Variants in MYRFL observed in about 807,000 individuals in gnomAD.
MYRFL encodes myelin regulatory factor-like protein.
Under a neutral mutation model 109.4 loss-of-function variants are expected in MYRFL, and 88 were observed. The ratio of observed to expected loss-of-function variants is 0.80; its 90% CI spans 0.68 to 0.96. MYRFL has a LOEUF of 0.96. MYRFL is among the 40% of genes least tolerant of loss of function. The pLI is 0.00. For missense variants in MYRFL, 957 were observed against 954.9 expected, an observed-to-expected ratio of 1.00 and a Z score of -0.03; for synonymous variants, 324 against 320.9, an observed-to-expected ratio of 1.01 and a Z score of -0.10.
At chr12:69,945,695 A>C (rs2120524808) in intron 19 of MYRFL, among the ~76,000 whole-genome samples, 1 of 152,262 alleles carries the variant, frequency 6.6e-6, no homozygotes, top group East Asian at 1.9e-4. Flanking sequence ...TTTCATGTTA[A>C]AAAAATTATA....
intron 9 of MYRFL, among the ~76,000 whole-genome samples, chr12:69,896,393 G>A (rs1326415378): frequency 6.6e-6 from 1 of 152,206 alleles, no homozygotes; most frequent in Non-Finnish European, 1.5e-5. Flanking sequence ...TTCTCTAAGA[G>A]AATAGGAATG....
At chr12:69,901,419 G>A (rs1954176677) in intron 10 of MYRFL, among the ~76,000 whole-genome samples, 1 of 152,196 alleles carries the variant, frequency 6.6e-6, no homozygotes, top group African/African-American at 2.4e-5. Flanking sequence ...TTAGAATGTT[G>A]TGAATCTGTG....
chr12:69,952,615 C>T (rs1476042730), intron 20 of MYRFL, among the ~76,000 whole-genome samples, 184 bp from the exon 21 acceptor site: 2 of 152,056 alleles, frequency 1.3e-5, no homozygotes, highest in African/African-American at 2.4e-5. Context: ...GGTACTATAA[C>T]CCCCCAAAAA....
chr12:69,927,225 G>A (rs543793459), intron 14 of MYRFL, among the ~76,000 whole-genome samples: 5 of 152,076 alleles, frequency 3.3e-5, no homozygotes, highest in African/African-American at 7.2e-5. Context: ...GATTATAGGC[G>A]TGAGCCACCA....
At chr12:69,845,654 C>G (rs560573641) in intron 1 of MYRFL, among the ~76,000 whole-genome samples, 12 of 152,158 alleles carry the variant, frequency 7.9e-5, no homozygotes, top group African/African-American at 2.6e-4. Context: ...GGATAGAAAG[C>G]AGAACTATTA....
intron 19 of MYRFL, among the ~76,000 whole-genome samples, chr12:69,945,986 C>CAAAAAAAAAAAAAAAAA (rs56988555): frequency 7.1e-5 from 3 of 42,340 alleles, no homozygotes; most frequent in Non-Finnish European, 1.2e-4. Flanking sequence ...GACTCCGTCT[C>CAAAAAAAAAAAAAAAAA]AAAAAAAAAA....
At chr12:69,849,888 A>G (rs1459706912) in intron 1 of MYRFL, among the ~76,000 whole-genome samples, 1 of 152,220 alleles carries the variant, frequency 6.6e-6, no homozygotes, top group East Asian at 1.9e-4. Context: ...TCATCTCTCC[A>G]TGAATATCTA....
At chr12:69,877,683 T>A (rs1885772664) in intron 2 of MYRFL, among the ~76,000 whole-genome samples, 1 of 152,184 alleles carries the variant, frequency 6.6e-6, no homozygotes, top group Non-Finnish European at 1.5e-5. Context: ...CCCTTATTAA[T>A]AGGAAGTGAA....
intron 1 of MYRFL, among the ~76,000 whole-genome samples, chr12:69,828,597 CAT>C (rs1882432076): frequency 6.6e-6 from 1 of 152,100 alleles, no homozygotes; most frequent in South Asian, 2.1e-4. Flanking sequence ...AACTTGAAAA[CAT>C]TGTCAATTTC....
At chr12:69,830,699 A>C (rs1392221255) in intron 1 of MYRFL, among the ~76,000 whole-genome samples, 1 of 152,132 alleles carries the variant, frequency 6.6e-6, no homozygotes, top group Non-Finnish European at 1.5e-5. Context: ...TCTAAGAAAT[A>C]CCTTTCTTCT....
intron 9 of MYRFL, among the ~76,000 whole-genome samples, chr12:69,896,374 A>G (rs1250287928): frequency 6.6e-6 from 1 of 152,230 alleles, no homozygotes; most frequent in Admixed American, 6.5e-5. Flanking sequence ...ATGCAGAGGG[A>G]AACTCTTGTT....
intron 5 of MYRFL, 74 bp from the exon 6 acceptor site, chr12:69,886,746 G>A: frequency 6.6e-7 from 1 of 1,505,816 alleles, no homozygotes; most frequent in Non-Finnish European, 8.9e-7. Flanking sequence ...CCACTCATCA[G>A]CTTCATGCTG....
At chr12:69,915,138 G>C (rs1051004412) in intron 13 of MYRFL, among the ~76,000 whole-genome samples, 1 of 152,112 alleles carries the variant, frequency 6.6e-6, no homozygotes, top group East Asian at 1.9e-4. Context: ...CTTGTCCCAT[G>C]TTCTTTGTTA....
intron 13 of MYRFL, among the ~76,000 whole-genome samples, chr12:69,915,833 A>T (rs975673215): frequency 2.6e-5 from 4 of 151,750 alleles, no homozygotes; most frequent in Non-Finnish European, 5.9e-5. Context: ...TTATTTGGCA[A>T]TTTTATTTGT....
In MYRFL at chr12:69,895,325, G is replaced by A. The variant is rs753319543; in HGVS notation, c.981-46G>A. The A allele has an allele frequency of 4.4e-6, 6 of 1,356,034 alleles. No individual in the cohort carries two copies. The Admixed American group carries it at 1.3e-4, about 29-fold the overall frequency. 84.0% of individuals were successfully genotyped at this position (1,356,034 alleles called of 1,614,324 possible). ...GATTAGATATGATCAGAGATTTGGT[G>A]TTCTCTTATAGTCTCTTGGTTTTTT... On this transcript the variant is annotated intron_variant, in intron 8 of 24. Transcript: ENST00000552032.
Position 69,895,550 on chromosome 12 carries a change from G to A in MYRFL, c.1091+69G>A, listed in dbSNP as rs971328664. The A allele has an allele frequency of 4.6e-6, 6 of 1,316,338 alleles. No individual in the cohort carries two copies. In the African/African-American group the frequency reaches 8.8e-5, roughly 19 times the overall value. The allele number at this position is 1,316,338 out of a possible 1,614,324, so 81.5% of individuals were successfully genotyped here. A position where few individuals can be genotyped will look rare whatever the true frequency, so the allele number is the denominator to read the frequency against. The stretch of plus-strand genomic sequence containing the variant: ...ATCTGGCCAGGAAGTGCCCTCCTGG[G>A]GCCCCTCTGATCTTCCTGGTGCTAC... On this transcript the variant is annotated intron_variant, in intron 9 of 24. Coordinates refer to ENST00000552032, the MANE Select transcript of MYRFL (RefSeq NM_182530.3).
intron 11 of MYRFL, among the ~76,000 whole-genome samples, chr12:69,905,711 A>C (rs1954334211): frequency 6.6e-6 from 1 of 152,258 alleles, no homozygotes; most frequent in South Asian, 2.1e-4. Flanking sequence ...TATTTATACA[A>C]AATAAAAATT....
chr12:69,830,238 A>G (rs1230755818), intron 1 of MYRFL, among the ~76,000 whole-genome samples: 1 of 151,636 alleles, frequency 6.6e-6, no homozygotes, highest in East Asian at 1.9e-4. Flanking sequence ...TGTACCCAGC[A>G]TCTTTGAAAT....
At chr12:69,911,018 AACCAGGAAG>A in intron 13 of MYRFL, 88 bp downstream of exon 13, 1 of 813,134 alleles carries the variant, frequency 1.2e-6, no homozygotes, top group Non-Finnish European at 1.9e-6. Context: ...TGAAACATCC[AACCAGGAAG>A]TGGGACATTA....
Sources: gnomAD v4.1 joint callset for allele counts (sites outside exome capture counted in the v4.1 genomes callset) on GRCh38, gnomAD v4.1.1 for gene constraint, MANE v1.5 for transcripts, NCBI Gene and HGNC (gene_info 2026-07-23, HGNC 2026-07-21) for gene names.